Variants in DUSP22 observed in about 807,000 individuals in gnomAD.
DUSP22 encodes dual specificity protein phosphatase 22.
Under a neutral mutation model 24.5 loss-of-function variants are expected in DUSP22, and 24 were observed. The ratio of observed to expected loss-of-function variants is 0.98; its 90% confidence interval spans 0.71 to 1.38. The LOEUF (loss-of-function observed/expected upper bound fraction) is 1.38, where lower values mean the gene tolerates loss of function less well. Among genes scored for constraint, DUSP22 ranks in the 40% most tolerant of loss-of-function variants. The pLI is 0.00. For missense variants in DUSP22, 330 were observed against 269.2 expected, an observed-to-expected ratio of 1.23 and a Z score of -1.58; for synonymous variants, 160 against 106.4, an observed-to-expected ratio of 1.50 and a Z score of -3.10.
At chr6:332,423 G>A (rs532136368) in intron 3 of DUSP22, among the ~76,000 whole-genome samples, 12 of 152,412 alleles carry the variant, frequency 7.9e-5, no homozygotes, top group South Asian at 6.2e-4. Context: ...AGCCTTTGCC[G>A]TCTTCCTGTG....
At chr6:322,832 G>GT (rs1345063146) in intron 3 of DUSP22, among the ~76,000 whole-genome samples, 1 of 135,746 alleles carries the variant, frequency 7.4e-6, no homozygotes, top group Non-Finnish European at 1.6e-5. Context: ...CTGCTTGGTG[G>GT]GGCGGGGGGG....
At chr6:305,938 TTGC>T (rs1455854265) in intron 2 of DUSP22, among the ~76,000 whole-genome samples, 2 of 152,308 alleles carry the variant, frequency 1.3e-5, no homozygotes, top group Non-Finnish European at 2.9e-5. Context: ...ATCTTTATTG[TTGC>T]TCTATAATGT....
chr6:298,226 C>G (rs899839403), intron 1 of DUSP22, among the ~76,000 whole-genome samples: 1 of 152,302 alleles, frequency 6.6e-6, no homozygotes, highest in Non-Finnish European at 1.5e-5. Flanking sequence ...CATATTCTTC[C>G]CTTTTTATAT....
At chr6:332,815 G>T (rs1349581102) in intron 3 of DUSP22, among the ~76,000 whole-genome samples, 2 of 152,296 alleles carry the variant, frequency 1.3e-5, no homozygotes, top group Non-Finnish European at 2.9e-5. Flanking sequence ...AGAAGGGAAG[G>T]TGGGAACTTG....
intron 3 of DUSP22, among the ~76,000 whole-genome samples, chr6:316,337 C>A (rs1223423576): frequency 2.0e-5 from 3 of 152,304 alleles, no homozygotes; most frequent in Non-Finnish European, 4.4e-5. Context: ...AAAATCATTG[C>A]CGCATATATT....
At chr6:336,647 G>A (rs574782193) in intron 4 of DUSP22, among the ~76,000 whole-genome samples, 2 of 152,424 alleles carry the variant, frequency 1.3e-5, no homozygotes, top group Admixed American at 6.5e-5. Context: ...TGGAGCCACT[G>A]TGTGCTCCCC....
intron 4 of DUSP22, among the ~76,000 whole-genome samples, chr6:337,672 A>G (rs1298197838): frequency 6.6e-6 from 1 of 152,302 alleles, no homozygotes; most frequent in Non-Finnish European, 1.5e-5. Context: ...CAATTTTGTT[A>G]CATGGATATA....
intron 3 of DUSP22, among the ~76,000 whole-genome samples, chr6:316,670 TA>T (rs1273653148): frequency 6.6e-6 from 1 of 152,302 alleles, no homozygotes; most frequent in East Asian, 1.9e-4. Flanking sequence ...CTTTCTAATG[TA>T]AAAATTTCGG....
intron 3 of DUSP22, among the ~76,000 whole-genome samples, chr6:326,700 T>C (rs903776132): frequency 2.0e-5 from 3 of 152,302 alleles, no homozygotes; most frequent in African/African-American, 7.2e-5. Context: ...TCTACTGTGT[T>C]CTGGCACTGC....
chr6:299,455 G>A (rs555090431), intron 1 of DUSP22, among the ~76,000 whole-genome samples: 68 of 152,380 alleles, frequency 4.5e-4, no homozygotes, highest in African/African-American at 1.6e-3. Context: ...TAGTGTAGAA[G>A]TTGAAATATT....
In DUSP22 at chr6:336,730, G is replaced by C. The variant is rs899163218; in HGVS notation, c.188+1567G>C. On this transcript the variant is annotated intron_variant, in intron 4 of 6. Transcript: ENST00000419235. ...ACGTTTAAGATTGAGGATGGTGGAGGGGGGATTTTCCTAGGAAAACAGAGT... is the reference window on the plus strand; with the variant it reads ...ACGTTTAAGATTGAGGATGGTGGAGCGGGGATTTTCCTAGGAAAACAGAGT... 4.6e-5 allele frequency among the ~76,000 whole-genome samples: 7 copies of C among 152,298 alleles called. No homozygotes were observed. In the East Asian group the frequency reaches 1.3e-3, roughly 29 times the overall value.
chr6:303,106 G>A (rs1216976138), intron 1 of DUSP22, among the ~76,000 whole-genome samples: 1 of 152,296 alleles, frequency 6.6e-6, no homozygotes, highest in Non-Finnish European at 1.5e-5. Context: ...GCTCTCTAGT[G>A]TCTACTGCCA....
intron 2 of DUSP22, among the ~76,000 whole-genome samples, chr6:309,270 T>C (rs907213291): frequency 6.6e-6 from 1 of 152,302 alleles, no homozygotes; most frequent in Non-Finnish European, 1.5e-5. Context: ...TATTATATTA[T>C]AGACGCCTTT....
rs2127425789 is a variant in DUSP22 at position 350,469 on chromosome 6, AC to A, written c.*1521del. On this transcript the variant is annotated 3_prime_UTR_variant, in exon 7 of 7. Transcript: ENST00000419235. The stretch of plus-strand genomic sequence containing the variant: ...TCTCTGAATTCCACCACAAAAAGAG[AC>A]CCTGAATAAGAAGAGCAGTTTTCCT... 1 of 1,163,520 alleles carries A rather than the reference AC, an allele frequency of 8.6e-7. No individual in the cohort carries two copies. Among genetic ancestry groups the A allele is most frequent in the Non-Finnish European group, 1.1e-6 (1 of 939,778 alleles). 72.1% of individuals were successfully genotyped at this position (1,163,520 alleles called of 1,614,324 possible). A position where few individuals can be genotyped will look rare whatever the true frequency, so the allele number is the denominator to read the frequency against.
At position 349,802 on chromosome 6, in the gene DUSP22, G is replaced by A; in HGVS notation, c.*851G>A. 1 of 985,958 alleles carries A rather than the reference G, an allele frequency of 1.0e-6. No homozygotes were observed. Among genetic ancestry groups the A allele is most frequent in the Non-Finnish European group, 1.2e-6 (1 of 830,262 alleles). 61.1% of individuals were successfully genotyped at this position (985,958 alleles called of 1,614,324 possible). A position where few individuals can be genotyped will look rare whatever the true frequency, so the allele number is the denominator to read the frequency against. On this transcript the variant is annotated 3_prime_UTR_variant, in exon 7 of 7. Coordinates refer to ENST00000419235, the MANE Select transcript of DUSP22 (RefSeq NM_001286555.3). ...CATCGAGCCCTGAGTTCTACTTGGT[G>A]TTTGTTCTCTGGAGCTGATTGCACT...
rs778873892 is a variant in DUSP22, at chr6:348,827, C to A, written c.494C>A (p.Ala165Asp). Residue 165 changes from alanine to aspartate, a missense_variant, in exon 7 of 7, where the codon GCC becomes GAC. By Grantham distance (126) the Ala-to-Asp change is moderately radical. Transcript: ENST00000419235. ...GESPLQDAEEAKNILGKYKEQ... is the reference protein window; with the variant it reads ...GESPLQDAEEDKNILGKYKEQ... Reference sequence around the variant, plus strand: ...AGCCCTTTGCAGGATGCAGAAGAAGCCAAAAACATTCTGGGTAAATATAAG... The same window carrying A: ...AGCCCTTTGCAGGATGCAGAAGAAGACAAAAACATTCTGGGTAAATATAAG... The A allele has an allele frequency of 6.2e-7, 1 of 1,614,306 alleles. No individual in the cohort carries two copies. Among genetic ancestry groups the A allele is most frequent in the Non-Finnish European group, 8.5e-7 (1 of 1,180,054 alleles).
intron 4 of DUSP22, among the ~76,000 whole-genome samples, chr6:336,388 C>G (rs1449125704): frequency 6.6e-6 from 1 of 152,304 alleles, no homozygotes; most frequent in African/African-American, 2.4e-5. Context: ...CACGCACACC[C>G]TATGGATCAG....
chr6:315,884 C>A (rs958412103), intron 3 of DUSP22, among the ~76,000 whole-genome samples: 2 of 152,298 alleles, frequency 1.3e-5, no homozygotes, highest in Non-Finnish European at 2.9e-5. Flanking sequence ...ACAAGATACG[C>A]GTTGTAGCTG....
At chr6:312,478 CAG>C (rs1341089441) in intron 3 of DUSP22, among the ~76,000 whole-genome samples, 5 of 152,302 alleles carry the variant, frequency 3.3e-5, no homozygotes, top group Non-Finnish European at 5.9e-5. Flanking sequence ...TCGGGGTAAA[CAG>C]GGTGTGTCTG....
Sources: gnomAD v4.1 joint callset for allele counts (sites outside exome capture counted in the v4.1 genomes callset) on GRCh38, gnomAD v4.1.1 for gene constraint, MANE v1.5 for transcripts, NCBI Gene and HGNC (gene_info 2026-07-23, HGNC 2026-07-21) for gene names.